DNASE1: variants seen among roughly 807,000 people sequenced by gnomAD.
DNASE1 encodes deoxyribonuclease-1.
A neutral mutation model predicts 33.9 loss-of-function variants in DNASE1; 40 were observed. That is an observed-to-expected ratio of 1.18 (90% CI 0.92 to 1.54). The LOEUF (loss-of-function observed/expected upper bound fraction) is 1.54, where lower values mean the gene tolerates loss of function less well. DNASE1 is among the 40% of genes most tolerant of loss of function. The probability of loss-of-function intolerance (pLI) is 0.00; values close to 1 mark genes in which losing one functional copy is unlikely to be tolerated. For missense variants in DNASE1, 518 were observed against 372.6 expected (o/e 1.39, Z -3.21); for synonymous variants, 216 against 160.0 (o/e 1.35, Z -2.64).
At chr16:3,656,927 T>G in intron 5 of DNASE1, 72 bp from the exon 6 acceptor site, 1 of 1,576,914 alleles carries the variant, frequency 6.3e-7, no homozygotes, top group Non-Finnish European at 8.6e-7. Flanking sequence ...TCATGATACA[T>G]AGTTCCAGCT....
At chr16:3,625,889 C>T (rs2041493217) in intron 1 of DNASE1, among the ~76,000 whole-genome samples, 1 of 152,156 alleles carries the variant, frequency 6.6e-6, no homozygotes, top group Non-Finnish European at 1.5e-5. Flanking sequence ...CGCTTTAGCC[C>T]AGGAGTTTGA....
chr16:3,613,162 A>G (rs775996857), intron 1 of DNASE1, among the ~76,000 whole-genome samples: 2 of 151,922 alleles, frequency 1.3e-5, no homozygotes, highest in Non-Finnish European at 2.9e-5. Flanking sequence ...TCCCCTGGCA[A>G]TCACTTATCG....
intron 1 of DNASE1, among the ~76,000 whole-genome samples, chr16:3,635,958 A>T (rs79995942): frequency 0.067 from 10,159 of 152,122 alleles, 351 homozygotes; most frequent in Admixed American, 0.08. Context: ...GCTCCCCAGA[A>T]CTGTGTTTGG....
intron 1 of DNASE1, among the ~76,000 whole-genome samples, chr16:3,628,088 T>G (rs1346886501): frequency 1.3e-5 from 2 of 152,208 alleles, no homozygotes; most frequent in Non-Finnish European, 2.9e-5. Context: ...GTGATGTTTT[T>G]CCTTACTTAT....
At chr16:3,653,613 T>G (rs1171612348), upstream of DNASE1, 1 of 151,758 alleles carries the variant, frequency 6.6e-6, no homozygotes, top group African/African-American at 2.4e-5. Context: ...TTGAGACCAG[T>G]GTGACCAACA....
At chr16:3,629,262 C>A (rs1853254384) in intron 1 of DNASE1, among the ~76,000 whole-genome samples, 1 of 151,362 alleles carries the variant, frequency 6.6e-6, no homozygotes, top group South Asian at 2.1e-4. Flanking sequence ...GAGATATTTC[C>A]CTTGTACGTT....
At chr16:3,620,287 C>T (rs910057909) in intron 1 of DNASE1, among the ~76,000 whole-genome samples, 2 of 152,150 alleles carry the variant, frequency 1.3e-5, no homozygotes, top group Admixed American at 6.5e-5. Context: ...TCACATCATT[C>T]ATCACATCAT....
chr16:3,645,103 G>C (rs1305361376), intron 1 of DNASE1, among the ~76,000 whole-genome samples: 3 of 152,186 alleles, frequency 2.0e-5, no homozygotes, highest in African/African-American at 2.4e-5. Context: ...ACTCCAGCCT[G>C]GGTGACAGAG....
At chr16:3,662,898 C>A, downstream of DNASE1, 1 of 1,613,582 alleles carries the variant, frequency 6.2e-7, no homozygotes, top group Non-Finnish European at 8.5e-7. Context: ...GTTGGTGACA[C>A]GCGACCCCAG....
chr16:3,616,136 C>T (rs1348935426), intron 1 of DNASE1, among the ~76,000 whole-genome samples: 1 of 152,240 alleles, frequency 6.6e-6, no homozygotes, highest in Non-Finnish European at 1.5e-5. Context: ...ATGAGTTACA[C>T]TGCATTTCTT....
intron 1 of DNASE1, among the ~76,000 whole-genome samples, chr16:3,620,306 G>A (rs1304105655): frequency 1.3e-5 from 2 of 152,048 alleles, no homozygotes; most frequent in African/African-American, 4.8e-5. Context: ...ATTTAGTCAC[G>A]TGACTGGGTA....
chr16:3,663,359 C>G, exon 10 of DNASE1: 1 of 1,594,610 alleles, frequency 6.3e-7, no homozygotes, highest in Non-Finnish European at 8.6e-7. Context: ...GCCCTCGCTG[C>G]GGGGCAGGAG....
Position 3,656,631 on chromosome 16 carries a change from C to G in DNASE1, c.321-7C>G. 1 of 1,605,976 alleles carries G rather than the reference C, an allele frequency of 6.2e-7. No individual in the cohort carries two copies. Among genetic ancestry groups the G allele is most frequent in the Non-Finnish European group, 8.5e-7 (1 of 1,176,128 alleles). On this transcript the variant is annotated splice_region_variant and splice_polypyrimidine_tract_variant and intron_variant, in intron 4 of 8. Coordinates refer to ENST00000246949, the MANE Select transcript of DNASE1 (RefSeq NM_005223.4). The stretch of plus-strand genomic sequence containing the variant: ...GGGTCACCTCCTCCTGCCCGGCCTT[C>G]CCGCAGGCCTGACCAGGTGTCTGCG...
At position 3,656,206 on chromosome 16, in the gene DNASE1, G is replaced by A. The variant is rs778012830; in HGVS notation, c.320+21G>A. On this transcript the variant is annotated intron_variant, in intron 4 of 8. Coordinates refer to ENST00000246949, the MANE Select transcript of DNASE1 (RefSeq NM_005223.4). The stretch of plus-strand genomic sequence containing the variant: ...TACAGGTGGGTGGTCTAGAAAGCCA[G>A]GAAGCCCCTCCCTCACCTGGGAGGG... 24 of 1,612,946 alleles carry A rather than the reference G, an allele frequency of 1.5e-5. No homozygotes were observed. The Admixed American group carries it at 2.7e-4, about 18-fold the overall frequency.
At chr16:3,627,747 A>G (rs1596574108) in intron 1 of DNASE1, among the ~76,000 whole-genome samples, 2 of 151,952 alleles carry the variant, frequency 1.3e-5, no homozygotes, top group African/African-American at 2.4e-5. Flanking sequence ...TGGGCTGTCA[A>G]CTCTATTCCA....
chr16:3,612,090 G>A (rs1435208029), intron 1 of DNASE1: 1 of 152,300 alleles, frequency 6.6e-6, no homozygotes, highest in East Asian at 1.9e-4. Context: ...TCAGGTGCCT[G>A]GAGGGGATGC....
intron 1 of DNASE1, among the ~76,000 whole-genome samples, chr16:3,612,876 A>T (rs1237795509): frequency 1.3e-5 from 2 of 151,840 alleles, no homozygotes; most frequent in African/African-American, 4.9e-5. Context: ...GTTGTTAACG[A>T]TTTGCCGGTT....
chr16:3,630,388 GCCCAGGTT>G (rs2041660609), intron 1 of DNASE1, among the ~76,000 whole-genome samples: 1 of 151,998 alleles, frequency 6.6e-6, no homozygotes, highest in Admixed American at 6.6e-5. Context: ...TCTCCATGTT[GCCCAGGTT>G]GGCCTTGAAC....
At chr16:3,648,674 CAT>C (rs943242337) in intron 1 of DNASE1, among the ~76,000 whole-genome samples, 2 of 152,134 alleles carry the variant, frequency 1.3e-5, no homozygotes, top group Non-Finnish European at 2.9e-5. Context: ...AAAAACAAAA[CAT>C]AAGGACCAAT....
Sources: gnomAD v4.1 joint callset for allele counts (sites outside exome capture counted in the v4.1 genomes callset) on GRCh38, gnomAD v4.1.1 for gene constraint, MANE v1.5 for transcripts, NCBI Gene and HGNC (gene_info 2026-07-23, HGNC 2026-07-21) for gene names.